PTPRD: variants seen among roughly 807,000 people sequenced by gnomAD.
The protein encoded by PTPRD is receptor-type tyrosine-protein phosphatase delta.
Under a neutral mutation model 214.5 loss-of-function variants are expected in PTPRD, and 34 were observed. The ratio of observed to expected loss-of-function variants is 0.16; its 90% CI spans 0.12 to 0.21. The LOEUF is 0.21. Among genes scored for constraint, PTPRD ranks in the 10% least tolerant of loss-of-function variants. The pLI is 1.00. For missense variants in PTPRD, 2,545 were observed against 2,398.7 expected (o/e 1.06, Z -1.27); for synonymous variants, 1,128 against 845.7 (o/e 1.33, Z -5.79).
At chr9:8,958,197 T>C (rs574773483) in intron 11 of PTPRD, among the ~76,000 whole-genome samples, 24 of 151,884 alleles carry the variant, frequency 1.6e-4, no homozygotes, top group Non-Finnish European at 2.8e-4. Context: ...ATGGAAGAAG[T>C]TATGTATCTG....
intron 8 of PTPRD, among the ~76,000 whole-genome samples, chr9:9,456,354 C>A (rs1306778434): frequency 1.3e-5 from 2 of 151,766 alleles, no homozygotes; most frequent in Non-Finnish European, 2.9e-5. Flanking sequence ...AAATATAGAT[C>A]AGATAAACCG....
At chr9:10,334,115 T>C (rs2096800118) in intron 3 of PTPRD, among the ~76,000 whole-genome samples, 1 of 151,746 alleles carries the variant, frequency 6.6e-6, no homozygotes. Flanking sequence ...CTAAGTATTG[T>C]GTATAAAGTA....
At chr9:9,735,933 A>T (rs1272468303) in intron 6 of PTPRD, among the ~76,000 whole-genome samples, 1 of 152,192 alleles carries the variant, frequency 6.6e-6, no homozygotes, top group African/African-American at 2.4e-5. Flanking sequence ...CACAAAGTCA[A>T]TGCTCATGTA....
chr9:10,270,717 G>C (rs1272881816), intron 3 of PTPRD, among the ~76,000 whole-genome samples: 4 of 152,072 alleles, frequency 2.6e-5, no homozygotes, highest in African/African-American at 9.7e-5. Flanking sequence ...ATCTTGACTT[G>C]AATGCATTAT....
chr9:10,515,880 G>A (rs563266220), intron 2 of PTPRD, among the ~76,000 whole-genome samples: 3 of 151,918 alleles, frequency 2.0e-5, no homozygotes, highest in African/African-American at 7.2e-5. Context: ...ATATCCTCAA[G>A]GCTCATCCAT....
At chr9:9,979,757 A>C (rs1351484712) in intron 4 of PTPRD, among the ~76,000 whole-genome samples, 1 of 152,220 alleles carries the variant, frequency 6.6e-6, no homozygotes, top group Admixed American at 6.5e-5. Flanking sequence ...AACAGATTTT[A>C]AGACATACTG....
chr9:9,545,687 A>G (rs1409451522), intron 8 of PTPRD, among the ~76,000 whole-genome samples: 3 of 151,800 alleles, frequency 2.0e-5, no homozygotes, highest in Non-Finnish European at 4.4e-5. Flanking sequence ...TTCTTTCATC[A>G]GTATCACACT....
At chr9:8,810,980 G>C in intron 11 of PTPRD, among the ~76,000 whole-genome samples, 1 of 152,148 alleles carries the variant, frequency 6.6e-6, no homozygotes, top group Non-Finnish European at 1.5e-5. Context: ...TGCTGACTGA[G>C]CTTCCTCGGT....
chr9:10,322,675 G>A (rs1302712220), intron 3 of PTPRD, among the ~76,000 whole-genome samples: 1 of 151,992 alleles, frequency 6.6e-6, no homozygotes, highest in African/African-American at 2.4e-5. Flanking sequence ...TCAAAAAGAG[G>A]GGAGATGGCA....
At chr9:8,969,326 A>G (rs2099221714) in intron 11 of PTPRD, among the ~76,000 whole-genome samples, 1 of 152,054 alleles carries the variant, frequency 6.6e-6, no homozygotes, top group Non-Finnish European at 1.5e-5. Flanking sequence ...TCCTTTGGCA[A>G]ATTCAGAACA....
intron 2 of PTPRD, among the ~76,000 whole-genome samples, chr9:10,583,386 C>G (rs1254144631): frequency 6.6e-6 from 1 of 151,142 alleles, no homozygotes; most frequent in African/African-American, 2.4e-5. Flanking sequence ...ATATTGGGCT[C>G]TTGAGACTAA....
chr9:10,388,682 A>C (rs941878990), intron 2 of PTPRD, among the ~76,000 whole-genome samples: 3 of 151,918 alleles, frequency 2.0e-5, no homozygotes, highest in African/African-American at 7.2e-5. Flanking sequence ...AGACACCAGC[A>C]AACCTGGGTT....
intron 2 of PTPRD, among the ~76,000 whole-genome samples, chr9:10,494,779 TTTAA>T (rs1279731418): frequency 6.6e-6 from 1 of 151,496 alleles, no homozygotes; most frequent in Non-Finnish European, 1.5e-5. Flanking sequence ...TCATAGTATA[TTTAA>T]TGTCAGTTTC....
intron 6 of PTPRD, among the ~76,000 whole-genome samples, chr9:9,756,108 C>T (rs1172174888): frequency 2.0e-5 from 3 of 151,810 alleles, no homozygotes; most frequent in Non-Finnish European, 4.4e-5. Context: ...TGGAAAACTC[C>T]CTCCTTCTTT....
intron 9 of PTPRD, among the ~76,000 whole-genome samples, chr9:9,265,753 A>C (rs914579634): frequency 1.3e-5 from 2 of 151,396 alleles, no homozygotes; most frequent in Non-Finnish European, 3.0e-5. Context: ...ACACCACTAC[A>C]AAAAATTATC....
At chr9:9,646,955 G>A (rs2096204107) in intron 7 of PTPRD, among the ~76,000 whole-genome samples, 1 of 152,136 alleles carries the variant, frequency 6.6e-6, no homozygotes, top group Non-Finnish European at 1.5e-5. Flanking sequence ...GATAAGCTGG[G>A]GAGGTGCAGG....
intron 21 of PTPRD, among the ~76,000 whole-genome samples, chr9:8,515,822 G>A (rs1055292362): frequency 1.2e-4 from 18 of 152,164 alleles, no homozygotes; most frequent in Middle Eastern, 3.4e-3. Context: ...ATAGATTCCC[G>A]TTGTTTAAGC....
chr9:8,753,075 C>T (rs6477350), intron 11 of PTPRD, among the ~76,000 whole-genome samples: 7,380 of 152,222 alleles, frequency 0.048, 447 homozygotes, highest in African/African-American at 0.14. Context: ...GGTCTTCTGG[C>T]AGCAACCAAC....
At chr9:9,011,698 C>T (rs983495106) in intron 11 of PTPRD, among the ~76,000 whole-genome samples, 2 of 152,142 alleles carry the variant, frequency 1.3e-5, no homozygotes, top group African/African-American at 4.8e-5. Context: ...ACAGCTCTTT[C>T]AACAAATATT....
Sources: allele counts gnomAD v4.1 joint callset (sites outside exome capture counted in the v4.1 genomes callset), GRCh38; gene constraint gnomAD v4.1.1; transcripts MANE v1.5; gene names NCBI Gene and HGNC (gene_info 2026-07-23, HGNC 2026-07-21).